Variants in RCC2 observed in about 807,000 individuals in gnomAD.
RCC2 encodes the protein protein RCC2.
Under a neutral mutation model 64.1 loss-of-function variants are expected in RCC2, and 19 were observed. That is an observed-to-expected ratio of 0.30 (90% CI 0.21 to 0.44). The LOEUF is 0.44. RCC2 is among the 20% of genes least tolerant of loss of function. RCC2 has a pLI of 1.00. For missense variants in RCC2, 508 were observed against 710.4 expected (o/e 0.72, Z 3.24); for synonymous variants, 325 against 279.6 (o/e 1.16, Z -1.62).
At chr1:17,416,436 C>T (rs1299543862) in intron 8 of RCC2, 44 bp downstream of exon 8, 1 of 1,572,288 alleles carries the variant, frequency 6.4e-7, no homozygotes, top group Non-Finnish European at 8.7e-7. Context: ...ACACCCCTTC[C>T]ATCCTGGTGC....
rs750383965 is a variant in RCC2, at chr1:17,438,218, A to C, written c.285+12T>G. 7.8e-7 allele frequency: 1 copy of C among 1,277,676 alleles called. No homozygotes were observed. Among genetic ancestry groups the C allele is most frequent in the East Asian group, 4.3e-5 (1 of 23,490 alleles). The allele number at this position is 1,277,676 out of a possible 1,614,324, so 79.1% of individuals were successfully genotyped here. ...GCCCTGCGCCCACCCGTCTACCCTG[A>C]CCCTCACTCACGACGCGCTCCTTGG... On this transcript the variant is annotated intron_variant, in intron 2 of 12. Coordinates refer to ENST00000375436, the MANE Select transcript of RCC2 (RefSeq NM_018715.4).
At position 17,420,930 on chromosome 1, in the gene RCC2, A is replaced by G. The variant is rs963939471; in HGVS notation, c.745-102T>C. ...GAAACAATTACTAGGTTACAAACGG[A>G]AGTTTAATAAACTCAGTAATTCTGA... On this transcript the variant is annotated intron_variant, in intron 6 of 12. Coordinates refer to ENST00000375436, the MANE Select transcript of RCC2 (RefSeq NM_018715.4). 4 of 722,044 alleles carry G rather than the reference A, an allele frequency of 5.5e-6. No individual in the cohort carries two copies. The East Asian group carries it at 8.0e-5, about 14-fold the overall frequency. The allele number at this position is 722,044 out of a possible 1,614,324, so 44.7% of individuals were successfully genotyped here.
rs377450413 is a variant in RCC2 at position 17,409,214 on chromosome 1, T to A, written c.1465-20A>T. ...GGCGACCTGGGGGGACAAATCAGCG[T>A]TGGGTGTGCCTGAGGCGCCTGGACT... On this transcript the variant is annotated intron_variant, in intron 12 of 12. Coordinates refer to ENST00000375436, the MANE Select transcript of RCC2 (RefSeq NM_018715.4). 2 of 1,541,034 alleles carry A rather than the reference T, an allele frequency of 1.3e-6. No individual in the cohort carries two copies. Among genetic ancestry groups the A allele is most frequent in the South Asian group, 1.1e-5 (1 of 89,626 alleles).
chr1:17,421,916 T>G (rs2075560474), intron 6 of RCC2, among the ~76,000 whole-genome samples: 1 of 151,876 alleles, frequency 6.6e-6, no homozygotes, highest in African/African-American at 2.4e-5. Flanking sequence ...TCCCAGCTAC[T>G]CCAGAGGCTG....
Position 17,408,941 on chromosome 1 carries a change from T to C in RCC2, c.*149A>G, listed in dbSNP as rs1426247356. On this transcript the variant is annotated 3_prime_UTR_variant, in exon 13 of 13. Coordinates refer to ENST00000375436, the MANE Select transcript of RCC2 (RefSeq NM_018715.4). ...AAAAGGTAGTTAACGTTGGATCATG[T>C]GTAAAACGGAACCTCAGGGAGTCTA... 3 of 670,776 alleles carry C rather than the reference T, an allele frequency of 4.5e-6. No homozygotes were observed. In the East Asian group the frequency reaches 7.5e-5, roughly 17 times the overall value. The allele number at this position is 670,776 out of a possible 1,614,324, so 41.6% of individuals were successfully genotyped here.
intron 10 of RCC2, among the ~76,000 whole-genome samples, chr1:17,412,864 CAG>C (rs539376280): frequency 1.8e-4 from 28 of 152,340 alleles, no homozygotes; most frequent in Admixed American, 7.8e-4. Flanking sequence ...TCCCACAAGA[CAG>C]GGAACAGCCA....
intron 2 of RCC2, among the ~76,000 whole-genome samples, chr1:17,430,231 G>A (rs2075660995): frequency 6.6e-6 from 1 of 152,190 alleles, no homozygotes; most frequent in Non-Finnish European, 1.5e-5. Flanking sequence ...CAGGAAAAAA[G>A]TCTGGCAAGG....
Position 17,422,855 on chromosome 1 carries a change from A to G in RCC2, c.524-19T>C, listed in dbSNP as rs1477836426. The G allele has an allele frequency of 6.2e-7, 1 of 1,613,526 alleles. No individual in the cohort carries two copies. The highest frequency in any genetic ancestry group is 1.1e-5 in the South Asian group (1 of 91,042). On this transcript the variant is annotated intron_variant, in intron 4 of 12. Coordinates refer to ENST00000375436, the MANE Select transcript of RCC2 (RefSeq NM_018715.4). ...TTTCGACCTGCAGATCACATGAGAG[A>G]AAGTAGAAAAGAGAGAGGGTGGTCC...
chr1:17,414,223 T>C (rs147025163), intron 8 of RCC2, among the ~76,000 whole-genome samples: 1 of 152,218 alleles, frequency 6.6e-6, no homozygotes, highest in Non-Finnish European at 1.5e-5. Flanking sequence ...GGGCAATCAT[T>C]TGATTCCCAC....
At chr1:17,413,775 G>C in intron 8 of RCC2, 58 bp from the exon 9 acceptor site, 1 of 1,484,668 alleles carries the variant, frequency 6.7e-7, no homozygotes, top group Non-Finnish European at 9.2e-7. Context: ...GCAACAAGAG[G>C]GGTCATCGTT....
chr1:17,415,114 A>C (rs2075468682), intron 8 of RCC2, among the ~76,000 whole-genome samples: 1 of 152,222 alleles, frequency 6.6e-6, no homozygotes. Context: ...CTTACTAAAA[A>C]ACTTGGCCTA....
Position 17,420,748 on chromosome 1 carries a change from G to C in RCC2, c.825C>G (p.Leu275=), listed in dbSNP as rs1013380471. Residue 275 remains leucine (L), a synonymous_variant, in exon 7 of 13, where the codon CTC becomes CTG. Coordinates refer to ENST00000375436, the MANE Select transcript of RCC2 (RefSeq NM_018715.4). ...CATATTCAGGGCACCCAAAGGAATA[G>C]AGGTTTCCTTTGCAGTCCATTATCA... The part of the protein sequence containing the change: ...FSMIMDCKGN[L]YSFGCPEYGQ... The C allele has an allele frequency of 1.2e-5, 20 of 1,609,920 alleles. No individual in the cohort carries two copies. Among genetic ancestry groups the C allele is most frequent in the Non-Finnish European group, 1.5e-5 (18 of 1,178,848 alleles).
At chr1:17,433,263 A>C (rs1413839950) in intron 2 of RCC2, among the ~76,000 whole-genome samples, 1 of 152,210 alleles carries the variant, frequency 6.6e-6, no homozygotes, top group Non-Finnish European at 1.5e-5. Flanking sequence ...TTATTTCTCT[A>C]TAACTTCTTT....
chr1:17,423,437 C>G (rs1262678912), intron 4 of RCC2, among the ~76,000 whole-genome samples: 1 of 152,222 alleles, frequency 6.6e-6, no homozygotes, highest in East Asian at 1.9e-4. Flanking sequence ...AGCACAGATC[C>G]ACCCTCAACA....
At chr1:17,416,088 G>T (rs865927307) in intron 8 of RCC2, among the ~76,000 whole-genome samples, 9 of 104,968 alleles carry the variant, frequency 8.6e-5, no homozygotes, top group Non-Finnish European at 1.5e-4. Context: ...AGGGGGGGGG[G>T]GCGGGGGGGA....
intron 2 of RCC2, among the ~76,000 whole-genome samples, chr1:17,430,208 T>C (rs991147699): frequency 2.0e-5 from 3 of 152,190 alleles, no homozygotes; most frequent in African/African-American, 7.2e-5. Context: ...ACAGAATTGT[T>C]CTTGGAAGGC....
At chr1:17,424,999 G>T (rs1303983623) in intron 4 of RCC2, among the ~76,000 whole-genome samples, 1 of 152,174 alleles carries the variant, frequency 6.6e-6, no homozygotes, top group African/African-American at 2.4e-5. Flanking sequence ...AGTATCTGGG[G>T]AAATATCCTA....
intron 7 of RCC2, among the ~76,000 whole-genome samples, chr1:17,417,338 G>A (rs1278531384): frequency 6.6e-6 from 1 of 152,192 alleles, no homozygotes; most frequent in African/African-American, 2.4e-5. Flanking sequence ...CTGCTAAGTA[G>A]TTTATAGTTT....
intron 2 of RCC2, among the ~76,000 whole-genome samples, chr1:17,434,001 C>T (rs747744667): frequency 9.9e-5 from 15 of 152,196 alleles, no homozygotes; most frequent in South Asian, 6.2e-4. Context: ...ACTGGAAAAA[C>T]TACAAAGACC....
Sources: allele counts gnomAD v4.1 joint callset (sites outside exome capture counted in the v4.1 genomes callset), GRCh38; gene constraint gnomAD v4.1.1; transcripts MANE v1.5; gene names NCBI Gene and HGNC (gene_info 2026-07-23, HGNC 2026-07-21).